TRAPPC9: variants seen among roughly 807,000 people sequenced by gnomAD.
The protein encoded by TRAPPC9 is IKK2 binding protein.
TRAPPC9 carries 83 observed loss-of-function variants against 124.0 expected under a neutral mutation model. The ratio of observed to expected loss-of-function variants is 0.67; its 90% confidence interval spans 0.56 to 0.80. The LOEUF is 0.80. TRAPPC9 is among the 30% of genes least tolerant of loss of function. The pLI, the probability that TRAPPC9 is intolerant of heterozygous loss-of-function variation, is 0.00. For missense variants in TRAPPC9, 1,302 were observed against 1,508.3 expected, an observed-to-expected ratio of 0.86 and a Z score of 2.27; for synonymous variants, 638 against 617.5, an observed-to-expected ratio of 1.03 and a Z score of -0.49.
chr8:139,904,308 A>C (rs1231988241), intron 20 of TRAPPC9: 4 of 152,308 alleles, frequency 2.6e-5, no homozygotes, highest in African/African-American at 9.6e-5. Context: ...ACTGGGTGTC[A>C]CAGGAGCCCA....
At position 140,323,766 on chromosome 8, in the gene TRAPPC9, C is replaced by T. The variant is rs2066661694; in HGVS notation, c.1496-12392G>A. Among the ~76,000 whole-genome samples the T allele has an allele frequency of 4.6e-5, 7 of 152,148 alleles. No individual in the cohort carries two copies. In the South Asian group the frequency reaches 1.5e-3, roughly 32 times the overall value. ...AGGAGAAAAAAGAAGAGGAAAAAAA[C>T]AGATATGACAAACAGAAAACAAATA... On this transcript the variant is annotated intron_variant, in intron 9 of 22. Transcript: ENST00000438773.
intron 17 of TRAPPC9, among the ~76,000 whole-genome samples, chr8:140,090,439 G>A (rs1459789447): frequency 6.6e-6 from 1 of 152,172 alleles, no homozygotes; most frequent in Non-Finnish European, 1.5e-5. Flanking sequence ...TGGAAGGCAA[G>A]TTTCATTTCT....
At position 140,422,221 on chromosome 8, in the gene TRAPPC9, TCTCCTAGA is replaced by T. The variant is rs1319135893; in HGVS notation, c.886+4386_886+4393del. 5.3e-3 allele frequency among the ~76,000 whole-genome samples: 804 copies of T among 152,150 alleles called. 6 individuals are homozygous for T. Among genetic ancestry groups the T allele is most frequent in the Middle Eastern group, 0.034 (10 of 294 alleles). On this transcript the variant is annotated intron_variant, in intron 5 of 22. Coordinates refer to ENST00000438773, the MANE Select transcript of TRAPPC9 (RefSeq NM_001160372.4). Reference sequence around the variant, plus strand: ...AGACTAGGGATAACAACAGTACCTGTCTCCTAGAATCGTGAAGATTAAATTGCTTTAGG... The same window carrying T: ...AGACTAGGGATAACAACAGTACCTGTATCGTGAAGATTAAATTGCTTTAGG...
chr8:140,042,531 G>A (rs1184377574), intron 17 of TRAPPC9, among the ~76,000 whole-genome samples: 1 of 152,164 alleles, frequency 6.6e-6, no homozygotes, highest in Admixed American at 6.5e-5. Context: ...CACTTTTTCA[G>A]CTGAGATAAC....
chr8:140,199,019 G>A (rs553564239), intron 17 of TRAPPC9, among the ~76,000 whole-genome samples: 6 of 152,334 alleles, frequency 3.9e-5, no homozygotes, highest in Admixed American at 3.9e-4. Flanking sequence ...CAAGCGGGGA[G>A]TGCGGGACTC....
intron 19 of TRAPPC9, among the ~76,000 whole-genome samples, chr8:139,943,343 A>T (rs984206477): frequency 4.6e-5 from 7 of 152,250 alleles, no homozygotes; most frequent in African/African-American, 1.7e-4. Context: ...CTGGGATTAC[A>T]GGCATGAACC....
intron 15 of TRAPPC9, chr8:140,262,744 G>C (rs755692540): frequency 6.6e-6 from 1 of 152,214 alleles, no homozygotes; most frequent in Non-Finnish European, 1.5e-5. Context: ...GTGCCTGCAC[G>C]GTGACTGGCA....
intron 16 of TRAPPC9, among the ~76,000 whole-genome samples, chr8:140,228,522 T>A (rs764205296): frequency 1.3e-5 from 2 of 152,236 alleles, no homozygotes; most frequent in Non-Finnish European, 2.9e-5. Context: ...GGCCTTCACA[T>A]ACTATTCAAA....
At chr8:140,129,005 T>TATATATTAAA (rs1563783126) in intron 17 of TRAPPC9, among the ~76,000 whole-genome samples, 10 of 134,750 alleles carry the variant, frequency 7.4e-5, no homozygotes, top group Non-Finnish European at 1.4e-4. Context: ...ATATATATAT[T>TATATATTAAA]AAAAAAAAAA....
intron 16 of TRAPPC9, among the ~76,000 whole-genome samples, chr8:140,229,677 C>T (rs575049803): frequency 2.0e-5 from 3 of 152,164 alleles, no homozygotes; most frequent in East Asian, 3.9e-4. Flanking sequence ...CATGCCTTGG[C>T]CTCCCAAGTG....
chr8:139,895,553 TAA>T (rs1464302218), intron 20 of TRAPPC9, among the ~76,000 whole-genome samples: 2 of 152,208 alleles, frequency 1.3e-5, no homozygotes, highest in Non-Finnish European at 2.9e-5. Flanking sequence ...TGCACCTACT[TAA>T]AGTAATACAA....
chr8:140,108,523 T>C (rs938340373), intron 17 of TRAPPC9, among the ~76,000 whole-genome samples: 1 of 152,202 alleles, frequency 6.6e-6, no homozygotes, highest in Non-Finnish European at 1.5e-5. Context: ...CTCGCCCCCC[T>C]TGCCCAGGGC....
chr8:140,364,929 G>A (rs1371761530), intron 8 of TRAPPC9, among the ~76,000 whole-genome samples: 1 of 151,170 alleles, frequency 6.6e-6, no homozygotes, highest in Non-Finnish European at 1.5e-5. Context: ...CAGTTATTTT[G>A]TCCAAAATTA....
chr8:140,291,357 T>C (rs2065652575), intron 11 of TRAPPC9: 1 of 503,916 alleles, frequency 2.0e-6, no homozygotes, highest in Non-Finnish European at 3.6e-6. Flanking sequence ...GGCACTGTTC[T>C]TGGTACAGAG....
intron 20 of TRAPPC9, among the ~76,000 whole-genome samples, chr8:139,901,705 C>T (rs1055650910): frequency 6.6e-5 from 10 of 152,186 alleles, no homozygotes; most frequent in Admixed American, 2.6e-4. Flanking sequence ...GGGGATAATG[C>T]GAGGCCCTGG....
At chr8:140,156,014 C>T (rs1022931643) in intron 17 of TRAPPC9, among the ~76,000 whole-genome samples, 1 of 152,154 alleles carries the variant, frequency 6.6e-6, no homozygotes, top group Non-Finnish European at 1.5e-5. Flanking sequence ...GGGGCCCGAG[C>T]TCCCTCCAGT....
chr8:139,897,048 T>TGTCAGTC (rs1293438728), intron 20 of TRAPPC9, among the ~76,000 whole-genome samples: 3 of 152,214 alleles, frequency 2.0e-5, no homozygotes, highest in African/African-American at 7.2e-5. Flanking sequence ...GTTTAATGAC[T>TGTCAGTC]GACATCCCTG....
chr8:140,253,926 C>CCACAGGGT (rs1431551835), intron 15 of TRAPPC9, among the ~76,000 whole-genome samples: 1 of 152,108 alleles, frequency 6.6e-6, no homozygotes, highest in East Asian at 1.9e-4. Context: ...AATTACTGCA[C>CCACAGGGT]CACAGGGTTA....
chr8:140,350,597 C>T lies in TRAPPC9; in HGVS notation c.1495+9453G>A, dbSNP rs187900992. Among the ~76,000 whole-genome samples the T allele has an allele frequency of 3.3e-5, 5 of 151,906 alleles. No individual in the cohort carries two copies. The East Asian group carries it at 5.8e-4, about 18-fold the overall frequency. On this transcript the variant is annotated intron_variant, in intron 9 of 22. Transcript: ENST00000438773. ...GTTAAGACTGGGAAACGCAAAGCGG[C>T]GGGTATGATGCAGAAGAGCCGGGGG...
Sources: gnomAD v4.1 joint callset for allele counts (sites outside exome capture counted in the v4.1 genomes callset) on GRCh38, gnomAD v4.1.1 for gene constraint, MANE v1.5 for transcripts, NCBI Gene and HGNC (gene_info 2026-07-23, HGNC 2026-07-21) for gene names.